The following CCDC60 variants were observed in gnomAD, a reference collection of about 807,000 sequenced individuals.
The protein encoded by CCDC60 is coiled-coil domain-containing protein 60.
Under a neutral mutation model 63.5 loss-of-function variants are expected in CCDC60, and 54 were observed. That is an observed-to-expected ratio of 0.85 (90% CI 0.68 to 1.07). CCDC60 has a LOEUF of 1.07. Among genes scored for constraint, CCDC60 ranks in the 50% least tolerant of loss-of-function variants. The pLI is 0.00. For missense variants in CCDC60, 651 were observed against 684.3 expected (o/e 0.95, Z 0.54); for synonymous variants, 206 against 238.8 (o/e 0.86, Z 1.27).
chr12:119,496,866 C>T (rs1474845356), intron 5 of CCDC60, among the ~76,000 whole-genome samples: 1 of 152,108 alleles, frequency 6.6e-6, no homozygotes, highest in Admixed American at 6.6e-5. Flanking sequence ...GAGACTTGCC[C>T]GAGGTCACAC....
chr12:119,535,001 C>T (rs1952962758), intron 13 of CCDC60, among the ~76,000 whole-genome samples: 2 of 152,134 alleles, frequency 1.3e-5, no homozygotes, highest in African/African-American at 2.4e-5. Context: ...GGTACCAGCT[C>T]CTCTTTGTAC....
intron 1 of CCDC60, among the ~76,000 whole-genome samples, chr12:119,360,363 G>C (rs1212796440): frequency 1.2e-5 from 1 of 85,632 alleles, no homozygotes; most frequent in Non-Finnish European, 2.1e-5. Flanking sequence ...CCTCCCTCCC[G>C]GACGGGGCGG....
intron 5 of CCDC60, among the ~76,000 whole-genome samples, chr12:119,498,105 A>G (rs951699732): frequency 6.6e-6 from 1 of 152,150 alleles, no homozygotes; most frequent in African/African-American, 2.4e-5. Context: ...ACTGGTGAAG[A>G]GAGGACACCC....
chr12:119,454,267 A>T (rs1275604124), intron 2 of CCDC60, among the ~76,000 whole-genome samples: 1 of 152,166 alleles, frequency 6.6e-6, no homozygotes, highest in African/African-American at 2.4e-5. Context: ...TTTGAGCCTT[A>T]GTTTCCTCAT....
chr12:119,502,940 G>A (rs567254844), intron 6 of CCDC60, among the ~76,000 whole-genome samples: 8 of 152,280 alleles, frequency 5.3e-5, no homozygotes, highest in South Asian at 2.1e-4. Flanking sequence ...AGACCAAGGC[G>A]GGCAGATTGC....
chr12:119,370,713 CACTT>C (rs1371740570), intron 1 of CCDC60, among the ~76,000 whole-genome samples: 1 of 152,284 alleles, frequency 6.6e-6, no homozygotes, highest in African/African-American at 2.4e-5. Flanking sequence ...TCATCAAAAA[CACTT>C]ACTCTTCAAC....
intron 1 of CCDC60, among the ~76,000 whole-genome samples, chr12:119,375,847 T>C (rs2136180568): frequency 6.6e-6 from 1 of 152,200 alleles, no homozygotes; most frequent in South Asian, 2.1e-4. Flanking sequence ...GTTTTCGAAA[T>C]GAATCAAGTC....
chr12:119,420,849 C>T lies in CCDC60; in HGVS notation c.91-7834C>T, dbSNP rs1010207943. On this transcript the variant is annotated intron_variant, in intron 1 of 13. Transcript: ENST00000327554. The surrounding 1 kb of genome is among the most constrained non-coding windows in gnomAD (Gnocchi z 4.1). ...GTAAATATATGCACTTATTATGTAC[C>T]CACAAAAATAAAAAATAAAATATTA... Among the ~76,000 whole-genome samples, 1 of 151,840 alleles carries T rather than the reference C, an allele frequency of 6.6e-6. No individual in the cohort carries two copies. Among genetic ancestry groups the T allele is most frequent in the Non-Finnish European group, 1.5e-5 (1 of 67,998 alleles).
At chr12:119,419,511 G>A (rs577314592) in intron 1 of CCDC60, among the ~76,000 whole-genome samples, 57 of 152,226 alleles carry the variant, frequency 3.7e-4, no homozygotes, top group Non-Finnish European at 5.6e-4. Flanking sequence ...AGTGGTGTCC[G>A]CCAGACCTCA....
rs1952359508 is a variant in CCDC60, at chr12:119,516,562, C to G, written c.884-61C>G. ...CCAGTTTGGGGGGCTGCACCCTGTT[C>G]TGCACAATCCTGTCTCAGGGGTGGC... On this transcript the variant is annotated intron_variant, in intron 7 of 13. Coordinates refer to ENST00000327554, the MANE Select transcript of CCDC60 (RefSeq NM_178499.5). 2.5e-6 allele frequency: 3 copies of G among 1,214,400 alleles called. No individual in the cohort carries two copies. The East Asian group carries it at 7.0e-5, about 28-fold the overall frequency. 75.2% of individuals were successfully genotyped at this position (1,214,400 alleles called of 1,614,324 possible). A position where few individuals can be genotyped will look rare whatever the true frequency, so the allele number is the denominator to read the frequency against.
chr12:119,373,554 CAA>C (rs1435628725), intron 1 of CCDC60, among the ~76,000 whole-genome samples: 2 of 150,354 alleles, frequency 1.3e-5, no homozygotes, highest in East Asian at 2.0e-4. Flanking sequence ...GCAATTTCAG[CAA>C]AGAGGAGCAG....
intron 1 of CCDC60, among the ~76,000 whole-genome samples, chr12:119,370,236 A>C (rs901754783): frequency 5.3e-5 from 8 of 152,256 alleles, no homozygotes; most frequent in African/African-American, 1.9e-4. Flanking sequence ...TGAATTAAGG[A>C]AAGCATATCA....
rs1023446150 is a variant in CCDC60 at position 119,471,064 on chromosome 12, T to C, written c.171-930T>C. Among the ~76,000 whole-genome samples, 80 of 152,148 alleles carry C rather than the reference T, an allele frequency of 5.3e-4. 1 individual carries two copies. Among genetic ancestry groups the C allele is most frequent in the Non-Finnish European group, 1.8e-4 (12 of 68,028 alleles). On this transcript the variant is annotated intron_variant, in intron 2 of 13. Coordinates refer to ENST00000327554, the MANE Select transcript of CCDC60 (RefSeq NM_178499.5). The stretch of plus-strand genomic sequence containing the variant: ...CAAAGTGGGCAGACAGAAAGAAACA[T>C]GTAGACACCTCTGCATCACTCCTTC...
intron 12 of CCDC60, among the ~76,000 whole-genome samples, chr12:119,530,261 G>A (rs1474881663): frequency 2.9e-5 from 4 of 138,622 alleles, no homozygotes; most frequent in South Asian, 2.2e-4. Flanking sequence ...AGCAAGGGGT[G>A]AGGGAGTTTT....
At position 119,456,031 on chromosome 12, in the gene CCDC60, G is replaced by GA. The variant is rs1263871819; in HGVS notation, c.171-15960dup. ...AGAAAGAAAGAAAGAAAGAAAGAAAGAAAGAAAGAAAGAAAGAAAGAAAGA... is the reference window on the plus strand; with the variant it reads ...AGAAAGAAAGAAAGAAAGAAAGAAAGAAAAGAAAGAAAGAAAGAAAGAAAGA... On this transcript the variant is annotated intron_variant, in intron 2 of 13. Transcript: ENST00000327554. The surrounding 1 kb of genome is among the most constrained non-coding windows in gnomAD (Gnocchi z 4.6). Among the ~76,000 whole-genome samples, 1 of 140,130 alleles carries GA rather than the reference G, an allele frequency of 7.1e-6. No individual in the cohort carries two copies. The highest frequency in any genetic ancestry group is 1.6e-5 in the Non-Finnish European group (1 of 64,480). 91.9% of individuals were successfully genotyped at this position (140,130 alleles called of 152,430 possible).
At chr12:119,500,239 G>A (rs1022157146) in intron 6 of CCDC60, 71 bp downstream of exon 6, 28 of 1,052,594 alleles carry the variant, frequency 2.7e-5, no homozygotes, top group Non-Finnish European at 4.0e-5. Flanking sequence ...ATTTTTGCCA[G>A]TCTTTTCTCT....
chr12:119,517,255 A>G (rs1350753111), intron 8 of CCDC60, among the ~76,000 whole-genome samples: 1 of 152,136 alleles, frequency 6.6e-6, no homozygotes, highest in South Asian at 2.1e-4. Context: ...CGGCCTCCCA[A>G]AATGCTGGGA....
At chr12:119,496,935 GAAC>G (rs934094012) in intron 5 of CCDC60, among the ~76,000 whole-genome samples, 7 of 152,160 alleles carry the variant, frequency 4.6e-5, no homozygotes, top group African/African-American at 1.2e-4. Context: ...CTGCCATAAT[GAAC>G]AACCCCCAAA....
chr12:119,477,657 C>T (rs1010998781), intron 3 of CCDC60, among the ~76,000 whole-genome samples: 1 of 152,082 alleles, frequency 6.6e-6, no homozygotes, highest in Non-Finnish European at 1.5e-5. Flanking sequence ...AACTAAAAGG[C>T]CTTCAGGTAA....
Sources: gnomAD v4.1 joint callset for allele counts (sites outside exome capture counted in the v4.1 genomes callset) on GRCh38, gnomAD v4.1.1 for gene constraint, Gnocchi (gnomAD v3.1) non-coding constraint, MANE v1.5 for transcripts, NCBI Gene and HGNC (gene_info 2026-07-23, HGNC 2026-07-21) for gene names.